MAF: variants seen among roughly 807,000 people sequenced by gnomAD.
The protein encoded by MAF is MAF bZIP transcription factor.
Under a neutral mutation model 22.0 loss-of-function variants are expected in MAF, and 10 were observed. That is an observed-to-expected ratio of 0.45 (90% CI 0.28 to 0.77). MAF has a LOEUF of 0.77. MAF is among the 30% of genes least tolerant of loss of function. MAF has a pLI of 0.12. For synonymous variants in MAF, 337 were observed against 255.8 expected, an observed-to-expected ratio of 1.32 and a Z score of -3.03; for missense variants, 544 against 548.4, an observed-to-expected ratio of 0.99 and a Z score of 0.08.
chr16:79,554,137 A>C, the MAF span, among the ~76,000 whole-genome samples: 2 of 152,056 alleles, frequency 1.3e-5, no homozygotes, highest in Non-Finnish European at 2.9e-5. Flanking sequence ...AAAACCACCA[A>C]ACCAAGAATG....
chr16:79,448,775 A>G, the MAF span, among the ~76,000 whole-genome samples: 3 of 151,890 alleles, frequency 2.0e-5, no homozygotes, highest in Non-Finnish European at 2.9e-5. Flanking sequence ...AACACACACA[A>G]TGCTACTACA....
the MAF span, among the ~76,000 whole-genome samples, chr16:79,406,789 TC>T: frequency 2.6e-5 from 4 of 152,166 alleles, no homozygotes; most frequent in African/African-American, 7.2e-5. Flanking sequence ...CTTATGGTGC[TC>T]CAGATCTCTT....
chr16:79,493,707 T>C, the MAF span, among the ~76,000 whole-genome samples: 4 of 152,216 alleles, frequency 2.6e-5, no homozygotes, highest in East Asian at 5.8e-4. Flanking sequence ...AGGGTGGAGC[T>C]AATGACAGCC....
chr16:79,227,543 C>T, the MAF span, among the ~76,000 whole-genome samples: 1 of 152,006 alleles, frequency 6.6e-6, no homozygotes, highest in Non-Finnish European at 1.5e-5. Flanking sequence ...CCTCATGTCT[C>T]CACCTCAGTG....
chr16:79,381,229 T>C, the MAF span, among the ~76,000 whole-genome samples: 4 of 152,258 alleles, frequency 2.6e-5, no homozygotes, highest in East Asian at 1.9e-4. Context: ...ATCTCTCTTC[T>C]TACCAAACCG....
the MAF span, among the ~76,000 whole-genome samples, chr16:79,261,482 T>C: frequency 2.0e-5 from 3 of 152,328 alleles, no homozygotes; most frequent in East Asian, 5.8e-4. Flanking sequence ...GCACAGGAGC[T>C]TCTACATGGT....
chr16:79,349,214 C>T, the MAF span, among the ~76,000 whole-genome samples: 2 of 152,218 alleles, frequency 1.3e-5, no homozygotes, highest in African/African-American at 4.8e-5. Context: ...GGCAGCAGAG[C>T]TGGGACTCAA....
the MAF span, among the ~76,000 whole-genome samples, chr16:79,247,072 G>A: frequency 1.3e-5 from 2 of 152,158 alleles, no homozygotes; most frequent in African/African-American, 4.8e-5. Flanking sequence ...GAGTATAATG[G>A]GCAAGTGCCG....
At chr16:79,255,029 C>T in the MAF span, among the ~76,000 whole-genome samples, 1 of 152,216 alleles carries the variant, frequency 6.6e-6, no homozygotes, top group East Asian at 1.9e-4. Flanking sequence ...CAAGCAATCA[C>T]TCTGGATCCT....
the MAF span, among the ~76,000 whole-genome samples, chr16:79,285,270 G>A: frequency 1.3e-3 from 192 of 151,938 alleles, 1 homozygote; most frequent in African/African-American, 4.5e-3. Context: ...TAATATATAC[G>A]GCCCCCCTTT....
the MAF span, among the ~76,000 whole-genome samples, chr16:79,217,264 G>A: frequency 6.6e-6 from 1 of 152,222 alleles, no homozygotes; most frequent in African/African-American, 2.4e-5. Flanking sequence ...AGCAGAGTCA[G>A]GATGTGAAGC....
downstream of MAF, among the ~76,000 whole-genome samples, chr16:79,593,198 A>G (rs539246775): frequency 6.6e-6 from 1 of 152,354 alleles, no homozygotes; most frequent in African/African-American, 2.4e-5. Flanking sequence ...TAAAGCCAAG[A>G]GTATGTGAAT....
chr16:79,311,877 C>T, the MAF span, among the ~76,000 whole-genome samples: 5 of 150,780 alleles, frequency 3.3e-5, no homozygotes, highest in Non-Finnish European at 7.4e-5. Context: ...AATGGGCACA[C>T]GGACCTCAGC....
At chr16:79,267,596 G>C in the MAF span, among the ~76,000 whole-genome samples, 41,806 of 152,094 alleles carry the variant, frequency 0.27, 6,982 homozygotes, top group Non-Finnish European at 0.36. Context: ...ACAGTGCAGA[G>C]GCACTACCTC....
the MAF span, among the ~76,000 whole-genome samples, chr16:79,423,923 T>C: frequency 6.6e-6 from 1 of 152,200 alleles, no homozygotes; most frequent in South Asian, 2.1e-4. Flanking sequence ...GGTACTAAAA[T>C]GGAAAGAAAA....
the MAF span, among the ~76,000 whole-genome samples, chr16:79,494,231 G>A: frequency 2.0e-5 from 3 of 152,168 alleles, no homozygotes; most frequent in African/African-American, 4.8e-5. Flanking sequence ...CCTAATGAAA[G>A]CCAGGGAATT....
the MAF span, among the ~76,000 whole-genome samples, chr16:79,223,551 TC>T: frequency 6.6e-6 from 1 of 151,926 alleles, no homozygotes; most frequent in African/African-American, 2.4e-5. Context: ...AAAAAACCCT[TC>T]AAAAAATCAA....
chr16:79,581,591 C>A (rs1367424679), downstream of MAF, among the ~76,000 whole-genome samples: 1 of 152,150 alleles, frequency 6.6e-6, no homozygotes. Context: ...CTCACCTCTA[C>A]TGCCTACCTG....
At chr16:79,303,062 T>C in the MAF span, among the ~76,000 whole-genome samples, 1 of 152,168 alleles carries the variant, frequency 6.6e-6, no homozygotes, top group Non-Finnish European at 1.5e-5. Context: ...ATGGCACGAT[T>C]TTCCATCCAA....
Sources: gnomAD v4.1 joint callset for allele counts (sites outside exome capture counted in the v4.1 genomes callset) on GRCh38, gnomAD v4.1.1 for gene constraint, MANE v1.5 for transcripts, NCBI Gene and HGNC (gene_info 2026-07-23, HGNC 2026-07-21) for gene names.